CLDN18: variants seen among roughly 807,000 people sequenced by gnomAD.
The protein encoded by CLDN18 is claudin-18.
Under a neutral mutation model 25.0 loss-of-function variants are expected in CLDN18, and 20 were observed. The observed-to-expected ratio is 0.80, with a 90% CI of 0.56 to 1.16. The LOEUF (loss-of-function observed/expected upper bound fraction) is 1.16, where lower values mean the gene tolerates loss of function less well. Among genes scored for constraint, CLDN18 ranks in the 50% most tolerant of loss-of-function variants. The probability of loss-of-function intolerance (pLI) is 0.00; values close to 1 mark genes in which losing one functional copy is unlikely to be tolerated. For missense variants in CLDN18, 297 were observed against 345.4 expected, an observed-to-expected ratio of 0.86 and a Z score of 1.11; for synonymous variants, 125 against 135.6, an observed-to-expected ratio of 0.92 and a Z score of 0.54.
chr3:138,030,540 C>T (rs536840999), intron 4 of CLDN18, among the ~76,000 whole-genome samples: 20 of 152,316 alleles, frequency 1.3e-4, no homozygotes, highest in African/African-American at 3.8e-4. Flanking sequence ...ATGGGCTGAA[C>T]GTAGGTACCC....
intron 1 of CLDN18, among the ~76,000 whole-genome samples, chr3:138,017,180 C>T (rs1286465792): frequency 6.6e-6 from 1 of 152,128 alleles, no homozygotes; most frequent in Admixed American, 6.5e-5. Flanking sequence ...ATTTGTTCTT[C>T]TAGCCTTTTT....
At chr3:137,998,844 CT>C in exon 1 of CLDN18, 1 of 1,610,758 alleles carries the variant, frequency 6.2e-7, no homozygotes, top group Middle Eastern at 1.7e-4. Context: ...TGTCGTGTGG[CT>C]CTGTGTCGAC....
At chr3:138,021,652 GA>G (rs375955906) in intron 1 of CLDN18, among the ~76,000 whole-genome samples, 226 of 151,784 alleles carry the variant, frequency 1.5e-3, no homozygotes, top group Non-Finnish European at 2.8e-3. Flanking sequence ...TATAACTAGG[GA>G]AAAAAAATCA....
chr3:138,015,710 CAG>C lies in CLDN18; in HGVS notation c.220+5268_220+5269del, dbSNP rs1942194685. On this transcript the variant is annotated intron_variant, in intron 1 of 4. Coordinates refer to ENST00000183605, the MANE Select transcript of CLDN18 (RefSeq NM_016369.4). ...TGCCACTGCACTCCAGCGTGGGCAA[CAG>C]AGCAAGATCTCACCTCAAAATATAT... 2.0e-5 allele frequency among the ~76,000 whole-genome samples: 3 copies of C among 152,180 alleles called. No individual in the cohort carries two copies. In the South Asian group the frequency reaches 6.2e-4, roughly 32 times the overall value.
chr3:137,998,981 A>G, exon 1 of CLDN18: 2 of 1,614,040 alleles, frequency 1.2e-6, no homozygotes, highest in Non-Finnish European at 1.7e-6. Flanking sequence ...TTGTACAACA[A>G]CCCCGTAACA....
rs771584128 is a variant in CLDN18 at position 138,024,705 on chromosome 3, G to A, written c.484G>A (p.Val162Met). The change falls in exon 3 of 5, where the codon GTG becomes ATG. Residue 162 changes from valine to methionine, a missense_variant. Transcript: ENST00000183605. The stretch of plus-strand genomic sequence containing the variant: ...CATGTACACCGGCATGGGTGGGATG[G>A]TGCAGACTGTTCAGACCAGGTAACC... ...ANMYTGMGGM[V>M]QTVQTRYTFG... 4.4e-6 allele frequency: 7 copies of A among 1,606,172 alleles called. No homozygotes were observed. In the East Asian group the frequency reaches 1.6e-4, roughly 36 times the overall value.
intron 4 of CLDN18, 130 bp from the exon 5 acceptor site, chr3:138,030,840 T>C (rs1942383201): frequency 2.6e-6 from 2 of 763,964 alleles, no homozygotes; most frequent in East Asian, 5.0e-5. Context: ...TATCCTGGTT[T>C]GCCCCGGACT....
chr3:138,001,728 A>C (rs1942017996), intron 1 of CLDN18, among the ~76,000 whole-genome samples: 1 of 152,358 alleles, frequency 6.6e-6, no homozygotes, highest in Admixed American at 6.5e-5. Context: ...TTCAAAGAGA[A>C]TATAGATTAT....
upstream of CLDN18, chr3:138,010,151 A>G: frequency 6.5e-7 from 1 of 1,541,468 alleles, no homozygotes; most frequent in Non-Finnish European, 8.7e-7. Context: ...TCCCCTCAGG[A>G]GCGCGTTAGC....
upstream of CLDN18, chr3:138,010,034 A>T: frequency 1.0e-6 from 1 of 986,384 alleles, no homozygotes; most frequent in Non-Finnish European, 1.4e-6. Flanking sequence ...CGCTTCTCTA[A>T]CAAATGTAAA....
chr3:138,031,360 A>G lies in CLDN18; in HGVS notation c.*219A>G, dbSNP rs1942393934. 2.5e-6 allele frequency: 1 copy of G among 398,500 alleles called. No individual in the cohort carries two copies. 24.7% of individuals were successfully genotyped at this position (398,500 alleles called of 1,614,324 possible). A position where few individuals can be genotyped will look rare whatever the true frequency, so the allele number is the denominator to read the frequency against. On this transcript the variant is annotated 3_prime_UTR_variant, in exon 5 of 5. Coordinates refer to ENST00000183605, the MANE Select transcript of CLDN18 (RefSeq NM_016369.4). ...GAGTTATTTATGAATTAGAGGCTAT[A>G]GCTCACATTTTCAATCCTCTATTTC...
chr3:138,006,935 C>T (rs557873969), upstream of CLDN18, among the ~76,000 whole-genome samples: 1 of 152,244 alleles, frequency 6.6e-6, no homozygotes, highest in Admixed American at 6.5e-5. Context: ...TAACATTTTT[C>T]CCTATTTTGA....
chr3:138,004,623 A>G (rs1942049274), intron 1 of CLDN18: 1 of 152,144 alleles, frequency 6.6e-6, no homozygotes, highest in South Asian at 2.1e-4. Flanking sequence ...AGTTGAATAC[A>G]AGATAGAGGA....
chr3:138,010,810 G>A (rs1340499129), intron 1 of CLDN18, among the ~76,000 whole-genome samples: 1 of 152,146 alleles, frequency 6.6e-6, no homozygotes, highest in Non-Finnish European at 1.5e-5. Context: ...ATGGGAGCAG[G>A]GAAGCAGGAT....
At chr3:138,028,665 GT>G in intron 3 of CLDN18, among the ~76,000 whole-genome samples, 1 of 152,178 alleles carries the variant, frequency 6.6e-6, no homozygotes, top group East Asian at 1.9e-4. Flanking sequence ...CATCCTAATA[GT>G]TTTTGGTCAC....
intron 3 of CLDN18, among the ~76,000 whole-genome samples, chr3:138,028,205 C>T (rs1178475623): frequency 6.6e-6 from 1 of 152,152 alleles, no homozygotes; most frequent in Non-Finnish European, 1.5e-5. Context: ...GCTGGGATTA[C>T]AGGCACCTGC....
rs150566666 is a variant in CLDN18, at chr3:138,003,261, TC to T, written c.220+4176del. Among the ~76,000 whole-genome samples the T allele has an allele frequency of 8.4e-3, 1,274 of 152,254 alleles. 6 individuals carry two copies. The highest frequency in any genetic ancestry group is 0.014 in the Non-Finnish European group (928 of 68,012). On this transcript the variant is annotated intron_variant, in intron 1 of 4. Transcript: ENST00000343735. ...CAAATGTCCTCTAAGGGGCAAATCATCCCTGGTTAAGAACCACAGCAATAAA... is the reference window on the plus strand; with the variant it reads ...CAAATGTCCTCTAAGGGGCAAATCATCCTGGTTAAGAACCACAGCAATAAA...
intron 1 of CLDN18, among the ~76,000 whole-genome samples, chr3:138,002,001 T>C (rs1055421319): frequency 1.3e-5 from 2 of 152,064 alleles, no homozygotes; most frequent in Non-Finnish European, 2.9e-5. Flanking sequence ...AGAAACAACC[T>C]CAAACAAGTG....
upstream of CLDN18, chr3:138,005,227 T>C (rs185579858): frequency 1.3e-5 from 2 of 152,302 alleles, no homozygotes; most frequent in East Asian, 1.9e-4. Context: ...TTCTTTTCTA[T>C]TTTTGATGAT....
Sources: gnomAD v4.1 joint callset for allele counts (sites outside exome capture counted in the v4.1 genomes callset) on GRCh38, gnomAD v4.1.1 for gene constraint, MANE v1.5 for transcripts, NCBI Gene and HGNC (gene_info 2026-07-23, HGNC 2026-07-21) for gene names.